Variants in COL4A2 observed in about 807,000 individuals in gnomAD.
The protein encoded by COL4A2 is collagen alpha-2(IV) chain.
In COL4A2, 99 loss-of-function variants were observed where a neutral mutation model predicts 200.2. The ratio of observed to expected loss-of-function variants is 0.49; its 90% CI spans 0.42 to 0.58. The LOEUF (loss-of-function observed/expected upper bound fraction) is 0.58. COL4A2 is among the 20% of genes least tolerant of loss of function. COL4A2 has a pLI of 0.00. For missense variants in COL4A2, 1,950 were observed against 2,314.1 expected (o/e 0.84, Z 3.23); for synonymous variants, 897 against 900.6 (o/e 1.00, Z 0.07).
At chr13:110,382,799 C>A (rs145754181) in intron 4 of COL4A2, among the ~76,000 whole-genome samples, 1 of 152,074 alleles carries the variant, frequency 6.6e-6, no homozygotes, top group African/African-American at 2.4e-5. Context: ...TTAAGAAAGT[C>A]AAAAATAGTT....
intron 3 of COL4A2, among the ~76,000 whole-genome samples, chr13:110,348,819 C>T (rs1257865422): frequency 6.6e-6 from 1 of 152,200 alleles, no homozygotes; most frequent in South Asian, 2.1e-4. Context: ...CAATCGTCAG[C>T]TATCTGTAAA....
intron 45 of COL4A2, among the ~76,000 whole-genome samples, chr13:110,505,688 G>A (rs946740785): frequency 4.6e-5 from 7 of 152,212 alleles, no homozygotes; most frequent in Admixed American, 4.6e-4. Flanking sequence ...TCCTCGGGTA[G>A]GAGTTACAGG....
intron 4 of COL4A2, among the ~76,000 whole-genome samples, chr13:110,420,249 A>G (rs973083081): frequency 6.6e-6 from 1 of 152,152 alleles, no homozygotes; most frequent in Non-Finnish European, 1.5e-5. Flanking sequence ...TCTCCTCTCC[A>G]CTGGAGTTCG....
At chr13:110,438,723 A>T (rs1188987372) in intron 15 of COL4A2, 55 bp downstream of exon 15, 4 of 1,610,976 alleles carry the variant, frequency 2.5e-6, no homozygotes, top group Non-Finnish European at 3.4e-6. Flanking sequence ...TTTTTTCAGT[A>T]GGCTTTCCTT....
At chr13:110,407,972 A>G (rs553735003) in intron 4 of COL4A2, among the ~76,000 whole-genome samples, 16 of 152,338 alleles carry the variant, frequency 1.1e-4, no homozygotes, top group African/African-American at 3.6e-4. Context: ...CTGAGTTTAA[A>G]GTATCTCTAG....
chr13:110,339,135 A>T (rs1876338561), intron 3 of COL4A2, among the ~76,000 whole-genome samples: 1 of 152,200 alleles, frequency 6.6e-6, no homozygotes, highest in Non-Finnish European at 1.5e-5. Flanking sequence ...ACAGAGATGA[A>T]CCTCAGAGAT....
intron 20 of COL4A2, among the ~76,000 whole-genome samples, chr13:110,452,120 TTTTGTTTG>T (rs10686508): frequency 0.31 from 47,446 of 151,294 alleles, 7,928 homozygotes; most frequent in South Asian, 0.4. Context: ...AAAGTCTCTG[TTTTGTTTG>T]TTTGTTTGTT....
intron 3 of COL4A2, among the ~76,000 whole-genome samples, chr13:110,343,512 G>A (rs192519617): frequency 1.8e-4 from 27 of 152,004 alleles, no homozygotes; most frequent in African/African-American, 4.8e-5. Context: ...GAGAAAGGGC[G>A]GGGCAGAAAT....
At position 110,484,925 on chromosome 13, in the gene COL4A2, C is replaced by T; in HGVS notation, c.2923C>T (p.Pro975Ser). The T allele has an allele frequency of 1.2e-6, 2 of 1,611,214 alleles. No individual in the cohort carries two copies. The highest frequency in any genetic ancestry group is 1.7e-6 in the Non-Finnish European group (2 of 1,178,076). ...TCCAGGCAGCCGAGGGGACCCTGGGCCCCCAGGACCACCTCCTGTCATCCT... is the reference window on the plus strand; with the variant it reads ...TCCAGGCAGCCGAGGGGACCCTGGGTCCCCAGGACCACCTCCTGTCATCCT... ...GFKGSRGDPG[P>S]PGPPPVILPG... Residue 975 changes from proline (P) to serine (S), a missense_variant, in exon 33 of 48, where the codon CCC becomes TCC. Physicochemically the swap from Pro to Ser is moderately conservative, Grantham distance 74. Coordinates refer to ENST00000360467, the MANE Select transcript of COL4A2 (RefSeq NM_001846.4).
intron 8 of COL4A2, 91 bp downstream of exon 8, chr13:110,430,047 A>G: frequency 7.6e-7 from 1 of 1,311,956 alleles, no homozygotes; most frequent in Non-Finnish European, 1.0e-6. Context: ...TTTGCATGTA[A>G]GAATGAATGT....
chr13:110,312,810 C>A (rs1329984542), intron 3 of COL4A2, among the ~76,000 whole-genome samples: 2 of 152,230 alleles, frequency 1.3e-5, no homozygotes, highest in African/African-American at 4.8e-5. Context: ...AAAGTCTAAT[C>A]CAGCCTGTTG....
At chr13:110,406,021 G>T (rs150851706) in intron 4 of COL4A2, among the ~76,000 whole-genome samples, 1 of 152,168 alleles carries the variant, frequency 6.6e-6, no homozygotes. Context: ...AGTGTCTGCC[G>T]CCTGGATTCT....
At chr13:110,335,992 A>G (rs1876165185) in intron 3 of COL4A2, among the ~76,000 whole-genome samples, 2 of 152,348 alleles carry the variant, frequency 1.3e-5, no homozygotes, top group South Asian at 4.1e-4. Flanking sequence ...AGACTCATCC[A>G]GTCTCCTGTG....
chr13:110,343,286 C>T (rs117110806), intron 3 of COL4A2, among the ~76,000 whole-genome samples: 2 of 152,260 alleles, frequency 1.3e-5, no homozygotes, highest in African/African-American at 2.4e-5. Context: ...TGCGCCTGTC[C>T]GTACCCAGTG....
At chr13:110,348,341 A>G (rs1876804147) in intron 3 of COL4A2, among the ~76,000 whole-genome samples, 1 of 152,210 alleles carries the variant, frequency 6.6e-6, no homozygotes, top group Non-Finnish European at 1.5e-5. Flanking sequence ...ACTGTTAAAC[A>G]AAGGAAGCTG....
rs755752113 is a variant in COL4A2, at chr13:110,457,409, G to A, written c.1406G>A (p.Gly469Glu). The change falls in exon 21 of 48, where the codon GGA (glycine) becomes GAA (glutamate). Residue 469 changes from glycine to glutamate, a missense_variant. Gly to Glu is a moderately conservative substitution (Grantham distance 98). Around this residue, in one of 2 missense-constraint regions of COL4A2, gnomAD observed 1,385 missense variants for 1,720.5 expected, o/e 0.80. Coordinates refer to ENST00000360467, the MANE Select transcript of COL4A2 (RefSeq NM_001846.4). The stretch of plus-strand genomic sequence containing the variant: ...TTCCCTGGGCTTCCCGGCTCCCCTG[G>A]AGCCCGCGGACCAAAGGGGTGGAAA... Reference protein sequence around the residue: ...AGFPGLPGSPGARGPKGWKGD... With the variant: ...AGFPGLPGSPEARGPKGWKGD... 7 of 1,611,602 alleles carry A rather than the reference G, an allele frequency of 4.3e-6. No individual in the cohort carries two copies. The highest frequency in any genetic ancestry group is 5.9e-6 in the Non-Finnish European group (7 of 1,177,848).
At chr13:110,346,081 G>A (rs957575418) in intron 3 of COL4A2, among the ~76,000 whole-genome samples, 8 of 152,150 alleles carry the variant, frequency 5.3e-5, no homozygotes, top group Non-Finnish European at 7.3e-5. Context: ...ACAACCTGGG[G>A]GCCAGGAGCC....
intron 40 of COL4A2, among the ~76,000 whole-genome samples, chr13:110,498,853 C>T (rs1883543226): frequency 6.6e-6 from 1 of 152,230 alleles, no homozygotes; most frequent in African/African-American, 2.4e-5. Context: ...TCCTTGCATT[C>T]CATCCCAGGG....
At chr13:110,337,150 A>G (rs1876230299) in intron 3 of COL4A2, among the ~76,000 whole-genome samples, 1 of 152,210 alleles carries the variant, frequency 6.6e-6, no homozygotes, top group Admixed American at 6.5e-5. Flanking sequence ...TTCAATCCGT[A>G]AGCCTGTAGG....
Sources: gnomAD v4.1 joint callset for allele counts (sites outside exome capture counted in the v4.1 genomes callset) on GRCh38, gnomAD v4.1.1 for gene constraint, gnomAD v4.1.1 regional missense constraint, MANE v1.5 for transcripts, NCBI Gene and HGNC (gene_info 2026-07-23, HGNC 2026-07-21) for gene names.